AGBL4: variants seen among roughly 807,000 people sequenced by gnomAD.
The protein encoded by AGBL4 is cytosolic carboxypeptidase 6.
Under a neutral mutation model 66.4 loss-of-function variants are expected in AGBL4, and 58 were observed. The observed-to-expected ratio is 0.87, with a 90% CI of 0.71 to 1.09. The LOEUF is 1.09. AGBL4 is among the 50% of genes least tolerant of loss of function. AGBL4 has a pLI of 0.00. For missense variants in AGBL4, 579 were observed against 631.0 expected (o/e 0.92, Z 0.88); for synonymous variants, 234 against 222.9 (o/e 1.05, Z -0.44).
intron 3 of AGBL4, among the ~76,000 whole-genome samples, chr1:49,533,375 A>C (rs1651298391): frequency 6.6e-6 from 1 of 152,144 alleles, no homozygotes; most frequent in Non-Finnish European, 1.5e-5. Context: ...TAATCCTGGT[A>C]ATGATCTAAA....
intron 6 of AGBL4, among the ~76,000 whole-genome samples, chr1:48,742,217 C>T (rs1432371868): frequency 6.6e-6 from 1 of 152,122 alleles, no homozygotes; most frequent in Non-Finnish European, 1.5e-5. Flanking sequence ...TGAACACAAA[C>T]TGAGTTGTTA....
intron 5 of AGBL4, among the ~76,000 whole-genome samples, chr1:48,976,724 T>A (rs1659365394): frequency 6.6e-6 from 1 of 152,076 alleles, no homozygotes; most frequent in South Asian, 2.1e-4. Context: ...ACCTTTGCAC[T>A]TGCCATTCTC....
intron 1 of AGBL4, among the ~76,000 whole-genome samples, chr1:50,014,682 G>A (rs993128043): frequency 1.3e-5 from 2 of 150,868 alleles, no homozygotes; most frequent in African/African-American, 2.4e-5. Context: ...AAGCCAACAC[G>A]CCCGGCTAAT....
At chr1:49,117,776 T>C (rs1645558970) in intron 4 of AGBL4, among the ~76,000 whole-genome samples, 2 of 152,196 alleles carry the variant, frequency 1.3e-5, no homozygotes, top group South Asian at 4.1e-4. Flanking sequence ...GGTAGCTTGA[T>C]GGGGATGGCA....
rs1416284577 is a variant in AGBL4, at chr1:49,846,475, A to G, written c.157+4921T>C. ...ATCCCTTTCTAGATTTGACCCAATC[A>G]TACACATGAGAAACATATGTCTTTA... On this transcript the variant is annotated intron_variant, in intron 2 of 13. Coordinates refer to ENST00000371839, the MANE Select transcript of AGBL4 (RefSeq NM_032785.4). 7 of 1,115,256 alleles carry G rather than the reference A, an allele frequency of 6.3e-6. No individual in the cohort carries two copies. In the South Asian group the frequency reaches 1.1e-4, roughly 17 times the overall value. The allele number at this position is 1,115,256 out of a possible 1,614,324, so 69.1% of individuals were successfully genotyped here.
rs183308264 is a variant in AGBL4, at chr1:48,800,075, A to G, written c.634+67116T>C. Among the ~76,000 whole-genome samples the G allele has an allele frequency of 3.4e-4, 51 of 152,236 alleles. 1 individual carries two copies. In the South Asian group the frequency reaches 9.0e-3, roughly 27 times the overall value. On this transcript the variant is annotated intron_variant, in intron 6 of 13. Transcript: ENST00000371839. ...TTGGAATAGTTTCAGTAGGATTGGTACCAATTCTTCTTTGAATGCCTGATA... is the reference window on the plus strand; with the variant it reads ...TTGGAATAGTTTCAGTAGGATTGGTGCCAATTCTTCTTTGAATGCCTGATA...
At chr1:49,895,527 CAT>C (rs974420850) in intron 1 of AGBL4, among the ~76,000 whole-genome samples, 5 of 151,738 alleles carry the variant, frequency 3.3e-5, no homozygotes, top group Admixed American at 1.3e-4. Context: ...TAAATAGAAA[CAT>C]AGTACAATAA....
chr1:49,459,643 T>C (rs2148695901), intron 3 of AGBL4, among the ~76,000 whole-genome samples: 1 of 151,802 alleles, frequency 6.6e-6, no homozygotes, highest in South Asian at 2.1e-4. Context: ...TATTTCTTGT[T>C]TGTTTCCTTC....
At chr1:48,684,564 G>A (rs537205970) in intron 6 of AGBL4, among the ~76,000 whole-genome samples, 24 of 152,236 alleles carry the variant, frequency 1.6e-4, no homozygotes, top group African/African-American at 5.1e-4. Flanking sequence ...TTATTTGGCC[G>A]TCCACTTGGA....
At chr1:48,680,194 T>C (rs997854806) in intron 6 of AGBL4, among the ~76,000 whole-genome samples, 1 of 152,210 alleles carries the variant, frequency 6.6e-6, no homozygotes, top group Non-Finnish European at 1.5e-5. Flanking sequence ...AGATGAACTT[T>C]AACCCTGTCA....
intron 3 of AGBL4, among the ~76,000 whole-genome samples, chr1:49,357,055 C>T (rs1644034602): frequency 6.6e-6 from 1 of 152,122 alleles, no homozygotes; most frequent in Non-Finnish European, 1.5e-5. Flanking sequence ...AGCACAAGAA[C>T]CAACTTACAA....
intron 11 of AGBL4, among the ~76,000 whole-genome samples, chr1:48,559,615 C>G (rs1026212682): frequency 6.6e-6 from 1 of 152,172 alleles, no homozygotes; most frequent in Admixed American, 6.5e-5. Flanking sequence ...TGGTATGTAG[C>G]AGGAACTCTA....
At chr1:49,297,795 C>T (rs557522713) in intron 3 of AGBL4, among the ~76,000 whole-genome samples, 1 of 152,106 alleles carries the variant, frequency 6.6e-6, no homozygotes, top group Non-Finnish European at 1.5e-5. Context: ...AGTCCAAGTA[C>T]CTAAGCCTAT....
At chr1:49,094,785 G>C (rs982960801) in intron 4 of AGBL4, among the ~76,000 whole-genome samples, 1 of 152,182 alleles carries the variant, frequency 6.6e-6, no homozygotes, top group Non-Finnish European at 1.5e-5. Context: ...ACAAGACAGG[G>C]ATGACCTCTC....
intron 8 of AGBL4, among the ~76,000 whole-genome samples, chr1:48,648,248 C>A (rs1015961096): frequency 1.3e-5 from 2 of 152,196 alleles, no homozygotes; most frequent in Non-Finnish European, 2.9e-5. Context: ...CTGGTAACCA[C>A]CGTTCTGCTT....
chr1:49,309,237 A>C (rs1018028017), intron 3 of AGBL4, among the ~76,000 whole-genome samples: 3 of 152,078 alleles, frequency 2.0e-5, no homozygotes, highest in African/African-American at 7.2e-5. Context: ...TGTTGATGGC[A>C]ATGATTATTG....
chr1:49,677,780 T>C (rs1646609818), intron 3 of AGBL4, among the ~76,000 whole-genome samples: 1 of 152,110 alleles, frequency 6.6e-6, no homozygotes, highest in Admixed American at 6.6e-5. Flanking sequence ...GGTCCTCATG[T>C]TGGGATCAGT....
intron 3 of AGBL4, among the ~76,000 whole-genome samples, chr1:49,630,214 T>G (rs1484953863): frequency 6.6e-6 from 1 of 152,108 alleles, no homozygotes; most frequent in African/African-American, 2.4e-5. Context: ...AAACTCTCAG[T>G]GATATGGGCA....
chr1:49,293,047 C>T (rs770558171), intron 3 of AGBL4, among the ~76,000 whole-genome samples: 21 of 152,360 alleles, frequency 1.4e-4, no homozygotes, highest in African/African-American at 3.6e-4. Flanking sequence ...CCCTGAGCCA[C>T]GGCTGTGACT....
Sources: allele counts gnomAD v4.1 joint callset (sites outside exome capture counted in the v4.1 genomes callset), GRCh38; gene constraint gnomAD v4.1.1; transcripts MANE v1.5; gene names NCBI Gene and HGNC (gene_info 2026-07-23, HGNC 2026-07-21).